Variants in LAMA1 observed in about 807,000 individuals in gnomAD.
LAMA1 encodes the protein laminin subunit alpha-1.
In LAMA1, 219 loss-of-function variants were observed where a neutral mutation model predicts 348.7. That is an observed-to-expected ratio of 0.63 (90% CI 0.56 to 0.70). LAMA1 has a LOEUF of 0.70. Ranked by LOEUF, LAMA1 falls within the 30% of genes least tolerant of loss-of-function variation. The probability of loss-of-function intolerance (pLI) is 0.00; values close to 1 mark genes in which losing one functional copy is unlikely to be tolerated. For missense variants in LAMA1, 3,744 were observed against 3,888.0 expected (o/e 0.96, Z 0.99); for synonymous variants, 1,487 against 1,491.0 (o/e 1.00, Z 0.06).
chr18:7,002,169 T>C, intron 30 of LAMA1, 95 bp downstream of exon 30: 3 of 1,502,936 alleles, frequency 2.0e-6, no homozygotes, highest in Non-Finnish European at 2.7e-6. Flanking sequence ...AGAATATTCA[T>C]TAACAACAGA....
chr18:7,055,756 C>T (rs140418953), intron 3 of LAMA1, among the ~76,000 whole-genome samples: 2 of 152,206 alleles, frequency 1.3e-5, no homozygotes, highest in Non-Finnish European at 1.5e-5. Context: ...ACTTTCCTTT[C>T]GAAGACAATG....
chr18:6,997,795 G>T lies in LAMA1; in HGVS notation c.4753C>A (p.Pro1585Thr), dbSNP rs1042817650. ...TTTGACAAAATTCCATATGGGACAG[G>T]GATAATGCCAGTGAGGTTCAGAGAA... is the stretch of plus-strand genomic sequence containing the variant. The part of the protein sequence containing the change: ...VLSLNLTGII[P>T]VPYGILSNLE... The change falls in exon 33 of 63, where the codon CCT becomes ACT. Residue 1585 changes from proline to threonine, a missense_variant. Physicochemically the swap from Pro to Thr is conservative, Grantham distance 38. Transcript: ENST00000389658. 1 of 1,613,770 alleles carries T rather than the reference G, an allele frequency of 6.2e-7. No homozygotes were observed. Among genetic ancestry groups the T allele is most frequent in the African/African-American group, 1.3e-5 (1 of 74,886 alleles).
chr18:7,069,706 C>G (rs115324860), intron 3 of LAMA1, among the ~76,000 whole-genome samples: 2 of 152,278 alleles, frequency 1.3e-5, no homozygotes, highest in Non-Finnish European at 2.9e-5. Context: ...AAAGACCACA[C>G]GGAGACGCCC....
chr18:7,106,475 T>A (rs1381409900), intron 1 of LAMA1, among the ~76,000 whole-genome samples: 1 of 151,710 alleles, frequency 6.6e-6, no homozygotes. Flanking sequence ...TTCTCCTGCC[T>A]CAGCCTCCCA....
intron 1 of LAMA1, among the ~76,000 whole-genome samples, chr18:7,084,216 T>A (rs1037086769): frequency 3.9e-4 from 59 of 151,720 alleles, no homozygotes; most frequent in African/African-American, 1.4e-3. Context: ...GTAAATAGAA[T>A]TTTTTTTAAA....
At chr18:7,004,519 A>G (rs1454229588) in intron 29 of LAMA1, among the ~76,000 whole-genome samples, 1 of 152,012 alleles carries the variant, frequency 6.6e-6, no homozygotes, top group East Asian at 1.9e-4. Context: ...CGCCTGGCTA[A>G]TTTTGTATTT....
At chr18:7,040,542 C>T (rs1385343831) in intron 9 of LAMA1, among the ~76,000 whole-genome samples, 1 of 152,160 alleles carries the variant, frequency 6.6e-6, no homozygotes, top group South Asian at 2.1e-4. Flanking sequence ...AGATGAAACC[C>T]GTGGAGGGAG....
At chr18:6,983,564 CGT>C (rs1348510068) in intron 39 of LAMA1, among the ~76,000 whole-genome samples, 1 of 152,184 alleles carries the variant, frequency 6.6e-6, no homozygotes, top group Non-Finnish European at 1.5e-5. Context: ...ATCCCCTGCG[CGT>C]GTCTAGGGCG....
At chr18:6,996,005 G>T (rs961641487) in intron 33 of LAMA1, among the ~76,000 whole-genome samples, 1 of 152,076 alleles carries the variant, frequency 6.6e-6, no homozygotes, top group African/African-American at 2.4e-5. Context: ...CATTCAAAAT[G>T]AGTTAAAATT....
Position 6,976,072 on chromosome 18 carries a change from G to A in LAMA1, c.6354C>T (p.Val2118=), listed in dbSNP as rs150849018. 4,320 of 1,614,036 alleles carry A rather than the reference G, an allele frequency of 2.7e-3. 4 individuals carry two copies. The highest frequency in any genetic ancestry group is 3.3e-3 in the Non-Finnish European group (3,884 of 1,179,988). ...TGCAATCTCTGTCTGCAGACACGGC[G>A]ACTTTAATCTGTAGAAGGAAAATGA... ...QARKQAASIK[V]AVSADRDCIR... is the part of the protein sequence containing the mutation. The change falls in exon 45 of 63, where the codon GTC becomes GTT. Residue 2118 remains valine, a synonymous_variant. Coordinates refer to ENST00000389658, the MANE Select transcript of LAMA1 (RefSeq NM_005559.4).
chr18:7,106,383 CAG>C (rs1403150253), intron 1 of LAMA1, among the ~76,000 whole-genome samples: 2 of 146,588 alleles, frequency 1.4e-5, no homozygotes, highest in Non-Finnish European at 3.0e-5. Flanking sequence ...TTTTTTGAGA[CAG>C]AGTCTCACTC....
chr18:7,042,391 G>C, intron 8 of LAMA1, 141 bp from the exon 9 acceptor site: 1 of 663,628 alleles, frequency 1.5e-6, no homozygotes, highest in Non-Finnish European at 2.8e-6. Context: ...GGTTAGGTTT[G>C]AGGAAGATAA....
intron 3 of LAMA1, among the ~76,000 whole-genome samples, chr18:7,057,243 G>T (rs951370932): frequency 6.6e-6 from 1 of 152,058 alleles, no homozygotes; most frequent in Non-Finnish European, 1.5e-5. Flanking sequence ...GGAAATTGGG[G>T]CACAGAAAGG....
Position 7,025,993 on chromosome 18 carries a change from G to C in LAMA1, c.2388C>G (p.Thr796=), listed in dbSNP as rs770267847. The change falls in exon 17 of 63, where the codon ACC becomes ACG. Residue 796 remains threonine, a synonymous_variant. Coordinates refer to ENST00000389658, the MANE Select transcript of LAMA1 (RefSeq NM_005559.4). The stretch of plus-strand genomic sequence containing the variant: ...CCGAGGCTTACTTGTTGGAGGCTAT[G>C]GTGAGAGGGCAGGCGCAGGGCTGGC... ...GDCQPCACPL[T]IASNNFSPTC... The C allele has an allele frequency of 3.3e-5, 53 of 1,608,544 alleles. No individual in the cohort carries two copies. Among genetic ancestry groups the C allele is most frequent in the Non-Finnish European group, 4.4e-5 (52 of 1,177,578 alleles).
At chr18:7,064,221 C>CA (rs898604962) in intron 3 of LAMA1, among the ~76,000 whole-genome samples, 6 of 150,600 alleles carry the variant, frequency 4.0e-5, no homozygotes, top group South Asian at 2.1e-4. Context: ...ATTTTTAATA[C>CA]AAAAAAAGGT....
chr18:6,972,109 T>A, intron 47 of LAMA1, 128 bp from the exon 48 acceptor site: 2 of 1,073,988 alleles, frequency 1.9e-6, no homozygotes, highest in Non-Finnish European at 2.8e-6. Flanking sequence ...AGAGCCACAT[T>A]AGAAAAAAGC....
chr18:7,040,001 G>T, intron 10 of LAMA1, 75 bp downstream of exon 10: 1 of 1,538,196 alleles, frequency 6.5e-7, no homozygotes, highest in South Asian at 1.1e-5. Context: ...ACTGATCATT[G>T]GAGCCAATGG....
In LAMA1 at chr18:7,106,362, A is replaced by ATT. The variant is rs397690964; in HGVS notation, c.61+11296_61+11297dup. On this transcript the variant is annotated intron_variant, in intron 1 of 62. Coordinates refer to ENST00000389658, the MANE Select transcript of LAMA1 (RefSeq NM_005559.4). ...TGCACAGTGGAATCACCTGGGAAGC[A>ATT]TTTTTTTTTTTTTTTTGAGACAGAG... 1.1e-3 allele frequency among the ~76,000 whole-genome samples: 158 copies of ATT among 139,916 alleles called. 2 individuals carry two copies. In the East Asian group the frequency reaches 0.027, roughly 24 times the overall value. The allele number at this position is 139,916 out of a possible 152,430, so 91.8% of individuals were successfully genotyped here.
chr18:6,982,517 T>C lies in LAMA1; in HGVS notation c.5870A>G (p.Asn1957Ser), dbSNP rs761220353. The change falls in exon 41 of 63, where the codon AAC becomes AGC. Residue 1957 changes from asparagine (N) to serine (S), a missense_variant. Transcript: ENST00000389658. ...CTGACCTGGAAGCTTCCTGCTGAGG[T>C]TGTTGCCTTCTTTTAGAAATCTGGA... ...RSSRFLKEGNNLSRKLPGIAL... is the reference protein window; with the variant it reads ...RSSRFLKEGNSLSRKLPGIAL... 3 of 1,614,148 alleles carry C rather than the reference T, an allele frequency of 1.9e-6. No individual in the cohort carries two copies. The highest frequency in any genetic ancestry group is 2.5e-6 in the Non-Finnish European group (3 of 1,180,018).
Sources: gnomAD v4.1 joint callset for allele counts (sites outside exome capture counted in the v4.1 genomes callset) on GRCh38, gnomAD v4.1.1 for gene constraint, MANE v1.5 for transcripts, NCBI Gene and HGNC (gene_info 2026-07-23, HGNC 2026-07-21) for gene names.